Variants in DST observed in about 807,000 individuals in gnomAD.
The protein encoded by DST is dystonin.
Under a neutral mutation model 875.2 loss-of-function variants are expected in DST, and 253 were observed. The ratio of observed to expected loss-of-function variants is 0.29; its 90% CI spans 0.26 to 0.32. The LOEUF (loss-of-function observed/expected upper bound fraction) is 0.32. Among genes scored for constraint, DST ranks in the 10% least tolerant of loss-of-function variants. DST has a pLI of 1.00. For synonymous variants in DST, 3,124 were observed against 3,197.1 expected (o/e 0.98, Z 0.77); for missense variants, 8,287 against 9,111.6 (o/e 0.91, Z 3.68).
chr6:56,535,543 G>A (rs1018497459), intron 62 of DST, among the ~76,000 whole-genome samples: 3 of 152,010 alleles, frequency 2.0e-5, no homozygotes, highest in Non-Finnish European at 2.9e-5. Context: ...GGAGGTTTTT[G>A]GATTGTCTAA....
rs764234224 is a variant in DST, at chr6:56,607,039, G to A, written c.7589C>T (p.Thr2530Ile). Reference sequence around the variant, plus strand: ...ATGTGTTTTTTCATCCTCACCAGAAGTATTTGAAATGTATTTATCATTGTG... The same window carrying A: ...ATGTGTTTTTTCATCCTCACCAGAAATATTTGAAATGTATTTATCATTGTG... ...QYHNDKYISNTSGEDEKTHPG... is the reference protein window; with the variant it reads ...QYHNDKYISNISGEDEKTHPG... The change falls in exon 40 of 104, where the codon ACT becomes ATT. Residue 2530 changes from threonine to isoleucine, a missense_variant. Around this residue, in one of 10 missense-constraint regions of DST, gnomAD observed 3,138 missense variants for 3,116.6 expected, o/e 1.01. Coordinates refer to ENST00000680361, the MANE Select transcript of DST (RefSeq NM_001374736.1). 1 of 1,613,194 alleles carries A rather than the reference G, an allele frequency of 6.2e-7. No individual in the cohort carries two copies. The highest frequency in any genetic ancestry group is 8.5e-7 in the Non-Finnish European group (1 of 1,179,578).
chr6:56,764,373 G>T lies in DST; in HGVS notation c.626-29084C>A, dbSNP rs191677561. ...TGTAGCCTTTTCTTTCACTTTCTTT[G>T]GTCACTTTCAATATTCTGCAATTTC... On this transcript the variant is annotated intron_variant, in intron 4 of 103. Transcript: ENST00000680361. Among the ~76,000 whole-genome samples, 7 of 152,122 alleles carry T rather than the reference G, an allele frequency of 4.6e-5. No homozygotes were observed. The East Asian group carries it at 1.2e-3, about 25-fold the overall frequency.
At chr6:56,593,389 T>C (rs1027464649) in intron 48 of DST, among the ~76,000 whole-genome samples, 1 of 151,590 alleles carries the variant, frequency 6.6e-6, no homozygotes. Flanking sequence ...TGGGGGTACA[T>C]GCCTGTAGTC....
chr6:56,870,236 G>A (rs1009083116), intron 3 of DST, among the ~76,000 whole-genome samples: 2 of 151,916 alleles, frequency 1.3e-5, no homozygotes, highest in African/African-American at 4.8e-5. Flanking sequence ...AGGTAGTAAA[G>A]AGAGCTCACT....
intron 4 of DST, among the ~76,000 whole-genome samples, chr6:56,739,933 C>T (rs2099540437): frequency 6.6e-6 from 1 of 152,192 alleles, no homozygotes; most frequent in Non-Finnish European, 1.5e-5. Context: ...TTATTCTCAG[C>T]TCGCTACAAC....
chr6:56,646,253 C>G, intron 13 of DST, 71 bp from the exon 14 acceptor site: 1 of 847,850 alleles, frequency 1.2e-6, no homozygotes, highest in Non-Finnish European at 1.8e-6. Flanking sequence ...ACTAAGCCAC[C>G]ACTTCAAGTG....
intron 4 of DST, among the ~76,000 whole-genome samples, chr6:56,779,030 T>G (rs994885397): frequency 6.6e-6 from 1 of 152,096 alleles, no homozygotes; most frequent in Admixed American, 6.5e-5. Context: ...TTTCTCCACA[T>G]CCTCTCCAGC....
chr6:56,697,942 T>C (rs1231855868), intron 9 of DST, among the ~76,000 whole-genome samples: 1 of 152,212 alleles, frequency 6.6e-6, no homozygotes. Context: ...GGTCTGGTTC[T>C]GCGCTTCATG....
At chr6:56,546,378 A>ATATATATC (rs1440409164) in intron 61 of DST, among the ~76,000 whole-genome samples, 9 of 136,014 alleles carry the variant, frequency 6.6e-5, no homozygotes, top group Non-Finnish European at 1.1e-4. Context: ...ATATATATAT[A>ATATATATC]TATATATATA....
In DST at chr6:56,605,288, C is replaced by T; in HGVS notation, c.9340G>A (p.Val3114Ile). Residue 3114 changes from valine (V) to isoleucine (I), a missense_variant, in exon 40 of 104, where the codon GTA (valine) becomes ATA (isoleucine). Physicochemically the swap from Val to Ile is conservative, Grantham distance 29. Transcript: ENST00000680361. ...NQKGSLKKATVTLKDEPNNLQ... is the reference protein window; with the variant it reads ...NQKGSLKKATITLKDEPNNLQ... ...TTATTTGGTTCATCTTTAAGAGTTA[C>T]AGTTGCTTTTTTAAGGCTTCCTTTC... 6.2e-7 allele frequency: 1 copy of T among 1,611,200 alleles called. No individual in the cohort carries two copies. The highest frequency in any genetic ancestry group is 8.5e-7 in the Non-Finnish European group (1 of 1,178,532).
At chr6:56,526,788 G>A (rs9370536) in intron 68 of DST, among the ~76,000 whole-genome samples, 14 of 151,326 alleles carry the variant, frequency 9.3e-5, no homozygotes, top group African/African-American at 2.4e-4. Context: ...TTCATTTGTC[G>A]ACACGGCAAG....
chr6:56,789,825 C>T (rs1202651185), intron 4 of DST, among the ~76,000 whole-genome samples: 2 of 152,162 alleles, frequency 1.3e-5, no homozygotes, highest in South Asian at 2.1e-4. Flanking sequence ...TATGTACATA[C>T]GACATTTTGT....
chr6:56,781,823 A>C lies in DST; in HGVS notation c.626-46534T>G, dbSNP rs573618665. Among the ~76,000 whole-genome samples the C allele has an allele frequency of 1.3e-3, 193 of 152,262 alleles. 1 individual carries two copies. The highest frequency in any genetic ancestry group is 3.4e-3 in the African/African-American group (142 of 41,526). On this transcript the variant is annotated intron_variant, in intron 4 of 103. Coordinates refer to ENST00000680361, the MANE Select transcript of DST (RefSeq NM_001374736.1). Reference sequence around the variant, plus strand: ...GCCAGTTTTCAAAGGGAATGCTTCCAGTTTTTGCCCATTCAGTATGATATT... The same window carrying C: ...GCCAGTTTTCAAAGGGAATGCTTCCCGTTTTTGCCCATTCAGTATGATATT...
intron 61 of DST, chr6:56,540,990 C>T (rs1320924434): frequency 1.3e-5 from 2 of 152,650 alleles, no homozygotes; most frequent in Non-Finnish European, 2.9e-5. Flanking sequence ...TCTTCCCTCT[C>T]TGCTGGAGGG....
In DST at chr6:56,526,349, A is replaced by G. The variant is rs757694150; in HGVS notation, c.18129+12T>C. ...AAATTTATTGCCTAAACAACAAACC[A>G]TTTTTCCCTACCTGCTGTGATCGCA... On this transcript the variant is annotated intron_variant, in intron 69 of 103. Coordinates refer to ENST00000680361, the MANE Select transcript of DST (RefSeq NM_001374736.1). 6.2e-6 allele frequency: 10 copies of G among 1,612,794 alleles called. No individual in the cohort carries two copies. Among genetic ancestry groups the G allele is most frequent in the South Asian group, 5.5e-5 (5 of 91,030 alleles).
At chr6:56,777,324 GGAGCAA>G (rs1471179675) in intron 4 of DST, among the ~76,000 whole-genome samples, 2 of 152,030 alleles carry the variant, frequency 1.3e-5, no homozygotes, top group Non-Finnish European at 2.9e-5. Flanking sequence ...GAAGGCAAAA[GGAGCAA>G]AATATTACCT....
In DST at chr6:56,779,149, T is replaced by G. The variant is rs369842210; in HGVS notation, c.626-43860A>C. ...CTGATGGCCAGTGATGATGAGCATT[T>G]TTTCATGTGTCTTTTGGCTGCATAA... On this transcript the variant is annotated intron_variant, in intron 4 of 103. Coordinates refer to ENST00000680361, the MANE Select transcript of DST (RefSeq NM_001374736.1). Among the ~76,000 whole-genome samples, 15 of 152,236 alleles carry G rather than the reference T, an allele frequency of 9.9e-5. No individual in the cohort carries two copies. The East Asian group carries it at 2.7e-3, about 27-fold the overall frequency.
chr6:56,471,370 AT>A, intron 94 of DST, 102 bp from the exon 95 acceptor site: 1 of 805,674 alleles, frequency 1.2e-6, no homozygotes, highest in East Asian at 3.0e-5. Context: ...TAGTACACAT[AT>A]CCTTCCCATT....
At chr6:56,705,470 T>G (rs1474461948) in intron 5 of DST, among the ~76,000 whole-genome samples, 1 of 152,246 alleles carries the variant, frequency 6.6e-6, no homozygotes, top group Non-Finnish European at 1.5e-5. Context: ...TAATGTAAAC[T>G]GGAAGCAAAC....
Sources: gnomAD v4.1 joint callset for allele counts (sites outside exome capture counted in the v4.1 genomes callset) on GRCh38, gnomAD v4.1.1 for gene constraint, gnomAD v4.1.1 regional missense constraint, MANE v1.5 for transcripts, NCBI Gene and HGNC (gene_info 2026-07-23, HGNC 2026-07-21) for gene names.